Variants in CFAP299 observed in about 807,000 individuals in gnomAD.
CFAP299 encodes cilia- and flagella-associated protein 299.
In CFAP299, 21 loss-of-function variants were observed where a neutral mutation model predicts 27.0. That is an observed-to-expected ratio of 0.78 (90% CI 0.55 to 1.12). The LOEUF is 1.12. Among genes scored for constraint, CFAP299 ranks in the 50% most tolerant of loss-of-function variants. CFAP299 has a pLI of 0.00. For missense variants in CFAP299, 310 were observed against 276.6 expected (o/e 1.12, Z -0.86); for synonymous variants, 104 against 98.1 (o/e 1.06, Z -0.36).
At chr4:80,929,760 T>G (rs187914505) in intron 4 of CFAP299, among the ~76,000 whole-genome samples, 1 of 152,286 alleles carries the variant, frequency 6.6e-6, no homozygotes, top group East Asian at 1.9e-4. Context: ...ATCTCTTTTC[T>G]GCTTACACCC....
At chr4:80,600,486 C>A (rs1340326166) in intron 3 of CFAP299, among the ~76,000 whole-genome samples, 1 of 152,020 alleles carries the variant, frequency 6.6e-6, no homozygotes, top group African/African-American at 2.4e-5. Context: ...CGTTTATTTT[C>A]CAAATACAAA....
intron 1 of CFAP299, among the ~76,000 whole-genome samples, chr4:80,356,145 T>C (rs572475230): frequency 6.6e-6 from 1 of 152,070 alleles, no homozygotes; most frequent in Non-Finnish European, 1.5e-5. Flanking sequence ...GATTAGATGG[T>C]TGTAGACATG....
intron 2 of CFAP299, among the ~76,000 whole-genome samples, chr4:80,482,114 A>G (rs1730595853): frequency 6.6e-6 from 1 of 151,948 alleles, no homozygotes; most frequent in Non-Finnish European, 1.5e-5. Context: ...ACAGGTGGCA[A>G]TTCTATCTGG....
At chr4:80,832,802 G>T (rs1032633722) in intron 3 of CFAP299, among the ~76,000 whole-genome samples, 37 of 152,062 alleles carry the variant, frequency 2.4e-4, no homozygotes, top group African/African-American at 8.2e-4. Context: ...TTATCAAATA[G>T]AATTTCAATA....
At position 80,693,002 on chromosome 4, in the gene CFAP299, A is replaced by T. The variant is rs537580264; in HGVS notation, c.333+109819A>T. 9.8e-5 allele frequency among the ~76,000 whole-genome samples: 15 copies of T among 152,392 alleles called. No individual in the cohort carries two copies. The East Asian group carries it at 2.9e-3, about 29-fold the overall frequency. The stretch of plus-strand genomic sequence containing the variant: ...CAAATCAAATCCACAATGAGATACC[A>T]TCTCACACGAGTTAGAATGGCAATC... On this transcript the variant is annotated intron_variant, in intron 3 of 5. Coordinates refer to ENST00000358105, the MANE Select transcript of CFAP299 (RefSeq NM_152770.3).
At chr4:80,863,307 A>C (rs1211808201) in intron 3 of CFAP299, among the ~76,000 whole-genome samples, 1 of 152,028 alleles carries the variant, frequency 6.6e-6, no homozygotes, top group Non-Finnish European at 1.5e-5. Flanking sequence ...AAAATCAGGC[A>C]ACACATGTAG....
intron 3 of CFAP299, among the ~76,000 whole-genome samples, chr4:80,763,275 T>C (rs911937482): frequency 6.6e-6 from 1 of 152,166 alleles, no homozygotes; most frequent in African/African-American, 2.4e-5. Flanking sequence ...ACAAAATTAA[T>C]ATGCAAAAAT....
intron 2 of CFAP299, among the ~76,000 whole-genome samples, chr4:80,390,623 GTATA>G (rs1236532973): frequency 9.4e-6 from 1 of 106,326 alleles, no homozygotes; most frequent in East Asian, 2.6e-4. Context: ...ATGTATATAT[GTATA>G]TATGTATACA....
intron 3 of CFAP299, among the ~76,000 whole-genome samples, chr4:80,737,729 TAAAC>T (rs1414894324): frequency 6.6e-6 from 1 of 151,032 alleles, no homozygotes; most frequent in South Asian, 2.1e-4. Context: ...AACCACTTTT[TAAAC>T]AAACAAAAAA....
At chr4:80,398,498 A>G (rs1176248713) in intron 2 of CFAP299, among the ~76,000 whole-genome samples, 1 of 152,228 alleles carries the variant, frequency 6.6e-6, no homozygotes, top group Non-Finnish European at 1.5e-5. Flanking sequence ...AGATATATAG[A>G]CCAATGGAAC....
chr4:80,379,643 T>G (rs933057903), intron 2 of CFAP299, among the ~76,000 whole-genome samples: 3 of 152,090 alleles, frequency 2.0e-5, no homozygotes, highest in Non-Finnish European at 4.4e-5. Context: ...AAAGGCTTTA[T>G]AATTTCCTTT....
intron 3 of CFAP299, among the ~76,000 whole-genome samples, chr4:80,745,314 G>T (rs1440139556): frequency 6.6e-6 from 1 of 152,074 alleles, no homozygotes; most frequent in African/African-American, 2.4e-5. Flanking sequence ...TAATGCCTTA[G>T]ATTGTATAAA....
At chr4:80,511,313 C>A (rs1020133398) in intron 2 of CFAP299, among the ~76,000 whole-genome samples, 4 of 152,090 alleles carry the variant, frequency 2.6e-5, no homozygotes, top group African/African-American at 7.2e-5. Context: ...ATGTTGGTAA[C>A]TGTTATTATT....
intron 2 of CFAP299, among the ~76,000 whole-genome samples, chr4:80,394,770 G>C (rs1203399543): frequency 6.6e-6 from 1 of 151,952 alleles, no homozygotes; most frequent in African/African-American, 2.4e-5. Context: ...TTCTGTTCTG[G>C]TTCATTGGCT....
At chr4:80,876,198 C>T (rs1370156406) in intron 4 of CFAP299, among the ~76,000 whole-genome samples, 4 of 150,896 alleles carry the variant, frequency 2.7e-5, no homozygotes, top group Admixed American at 2.6e-4. Context: ...CTCTTTACAA[C>T]AACCTTATAG....
At chr4:80,780,627 T>A (rs575402259) in intron 3 of CFAP299, among the ~76,000 whole-genome samples, 1 of 152,204 alleles carries the variant, frequency 6.6e-6, no homozygotes, top group Admixed American at 6.6e-5. Flanking sequence ...CCTATTTATA[T>A]CTACTGCTTT....
chr4:80,818,420 C>T (rs1432103600), intron 3 of CFAP299, among the ~76,000 whole-genome samples: 2 of 152,054 alleles, frequency 1.3e-5, no homozygotes, highest in East Asian at 3.9e-4. Context: ...AATACTACCT[C>T]TTTGTATAAT....
intron 2 of CFAP299, among the ~76,000 whole-genome samples, chr4:80,397,185 T>C (rs1725849620): frequency 6.6e-6 from 1 of 152,166 alleles, no homozygotes. Context: ...TTTATAGTAT[T>C]ATCTGATGGT....
At position 80,795,103 on chromosome 4, in the gene CFAP299, T is replaced by G. The variant is rs190402043; in HGVS notation, c.334-74890T>G. ...AGAACGGGGCATGCTATTCACTAGATTATTAAAATCCTCCCCTGCTGAGGT... is the reference window on the plus strand; with the variant it reads ...AGAACGGGGCATGCTATTCACTAGAGTATTAAAATCCTCCCCTGCTGAGGT... On this transcript the variant is annotated intron_variant, in intron 3 of 5. Coordinates refer to ENST00000358105, the MANE Select transcript of CFAP299 (RefSeq NM_152770.3). 4.1e-3 allele frequency among the ~76,000 whole-genome samples: 626 copies of G among 152,244 alleles called. 1 individual carries two copies. Among genetic ancestry groups the G allele is most frequent in the African/African-American group, 0.014 (587 of 41,560 alleles).
Sources: gnomAD v4.1 joint callset for allele counts (sites outside exome capture counted in the v4.1 genomes callset) on GRCh38, gnomAD v4.1.1 for gene constraint, MANE v1.5 for transcripts, NCBI Gene and HGNC (gene_info 2026-07-23, HGNC 2026-07-21) for gene names.